SMG5: variants seen among roughly 807,000 people sequenced by gnomAD.
SMG5 encodes nonsense-mediated mRNA decay factor SMG5.
In SMG5, 53 loss-of-function variants were observed where a neutral mutation model predicts 122.9. That is an observed-to-expected ratio of 0.43 (90% CI 0.35 to 0.54). SMG5 has a LOEUF of 0.54. SMG5 is among the 20% of genes least tolerant of loss of function. The probability of loss-of-function intolerance (pLI) is 0.01; values close to 1 mark genes in which losing one functional copy is unlikely to be tolerated. For synonymous variants in SMG5, 477 were observed against 490.2 expected, an observed-to-expected ratio of 0.97 and a Z score of 0.35; for missense variants, 1,153 against 1,285.6, an observed-to-expected ratio of 0.90 and a Z score of 1.58.
intron 3 of SMG5, among the ~76,000 whole-genome samples, chr1:156,277,669 C>T (rs577209009): frequency 2.0e-5 from 3 of 152,038 alleles, no homozygotes; most frequent in South Asian, 2.1e-4. Context: ...TGCACCACCA[C>T]GTCCAGCTAA....
At chr1:156,262,122 G>A (rs915977273) in intron 13 of SMG5, among the ~76,000 whole-genome samples, 2 of 152,120 alleles carry the variant, frequency 1.3e-5, no homozygotes, top group African/African-American at 4.8e-5. Context: ...CACTTTGGGA[G>A]GCTGAGGCAG....
the SMG5 span, among the ~76,000 whole-genome samples, chr1:156,289,878 T>G: frequency 5.3e-5 from 8 of 152,254 alleles, no homozygotes; most frequent in Admixed American, 3.3e-4. Flanking sequence ...ACCCATCCTC[T>G]GGGCTTCAAG....
chr1:156,254,503 CCACAATTCCTGTT>C (rs1467701041), intron 16 of SMG5, among the ~76,000 whole-genome samples: 1 of 152,038 alleles, frequency 6.6e-6, no homozygotes, highest in African/African-American at 2.4e-5. Context: ...GAGTGCAGTG[CCACAATTCCTGTT>C]CACTGCTACC....
chr1:156,254,915 C>G (rs896873648), intron 16 of SMG5, among the ~76,000 whole-genome samples: 1 of 151,014 alleles, frequency 6.6e-6, no homozygotes, highest in Non-Finnish European at 1.5e-5. Flanking sequence ...CATGGCAAAA[C>G]CCCATCTCTA....
intron 13 of SMG5, among the ~76,000 whole-genome samples, chr1:156,262,510 C>A (rs981378883): frequency 6.7e-6 from 1 of 149,562 alleles, no homozygotes; most frequent in African/African-American, 2.5e-5. Flanking sequence ...GAGAAAGCAG[C>A]GAAACCACAA....
In SMG5 at chr1:156,272,306, T is replaced by C. The variant is rs925775992; in HGVS notation, c.713+14A>G. On this transcript the variant is annotated intron_variant, in intron 7 of 21. Coordinates refer to ENST00000361813, the MANE Select transcript of SMG5 (RefSeq NM_015327.3). ...ACAAAAGCAGGGCTGGAAAAAGAGC[T>C]GGCAAATACTCACCAGCGCAGGTAG... is the stretch of plus-strand genomic sequence containing the variant. 1.3e-6 allele frequency: 2 copies of C among 1,582,706 alleles called. No individual in the cohort carries two copies. The highest frequency in any genetic ancestry group is 1.7e-6 in the Non-Finnish European group (2 of 1,161,090).
At chr1:156,281,532 C>T (rs1476110498) in intron 1 of SMG5, among the ~76,000 whole-genome samples, 1 of 152,184 alleles carries the variant, frequency 6.6e-6, no homozygotes, top group East Asian at 1.9e-4. Context: ...AGCCTATACT[C>T]CCCTCTGCCT....
intron 16 of SMG5, among the ~76,000 whole-genome samples, chr1:156,254,423 C>G (rs1466497716): frequency 6.6e-6 from 1 of 152,130 alleles, no homozygotes; most frequent in Non-Finnish European, 1.5e-5. Flanking sequence ...ATATGGGGAG[C>G]CACTGAAGAC....
chr1:156,286,079 C>A, upstream of SMG5: 2 of 1,514,096 alleles, frequency 1.3e-6, no homozygotes, highest in Non-Finnish European at 1.8e-6. Flanking sequence ...CTTCACTTGA[C>A]CTGGGCCCCT....
chr1:156,282,315 T>G (rs1198348358), intron 1 of SMG5, among the ~76,000 whole-genome samples: 1 of 152,018 alleles, frequency 6.6e-6, no homozygotes, highest in African/African-American at 2.4e-5. Context: ...CCTTCCAGCC[T>G]TCAATTCCCA....
upstream of SMG5, chr1:156,285,586 G>A (rs759149567): frequency 1.2e-6 from 2 of 1,614,222 alleles, no homozygotes; most frequent in African/African-American, 1.3e-5. Context: ...ATGCCAACCT[G>A]CTGCCTGAGA....
At chr1:156,252,526 G>C (rs1181998135) in intron 18 of SMG5, 22 bp from the exon 19 acceptor site, 3 of 1,611,734 alleles carry the variant, frequency 1.9e-6, no homozygotes, top group Non-Finnish European at 2.5e-6. Context: ...GGTAGGGAAA[G>C]ACAAAACAGA....
At chr1:156,277,420 C>T (rs904673921) in intron 3 of SMG5, among the ~76,000 whole-genome samples, 179 bp from the exon 4 acceptor site, 22 of 152,074 alleles carry the variant, frequency 1.4e-4, no homozygotes, top group African/African-American at 4.6e-4. Context: ...ACCAGGCTCC[C>T]CTCCTTCTCT....
chr1:156,284,083 A>T (rs565954254), upstream of SMG5, among the ~76,000 whole-genome samples: 1 of 152,278 alleles, frequency 6.6e-6, no homozygotes, highest in East Asian at 1.9e-4. Context: ...GCACAAATCC[A>T]CTTTTCTCCC....
chr1:156,264,518 C>A (rs1414729979), intron 12 of SMG5, among the ~76,000 whole-genome samples: 4 of 152,246 alleles, frequency 2.6e-5, no homozygotes, highest in African/African-American at 9.6e-5. Context: ...GGGAGACAGA[C>A]AAATCAACAG....
At chr1:156,251,573 C>T in intron 19 of SMG5, 96 bp from the exon 20 acceptor site, 1 of 1,250,354 alleles carries the variant, frequency 8.0e-7, no homozygotes, top group Non-Finnish European at 1.2e-6. Flanking sequence ...CCTGGTTTTG[C>T]AGGCGGGGCT....
intron 9 of SMG5, 33 bp from the exon 10 acceptor site, chr1:156,267,711 G>T: frequency 6.4e-7 from 1 of 1,563,252 alleles, no homozygotes; most frequent in Admixed American, 1.8e-5. Flanking sequence ...GGGGAGGTCA[G>T]TGGTGGGGGC....
chr1:156,280,621 A>G (rs1413331861), intron 1 of SMG5, among the ~76,000 whole-genome samples: 1 of 152,228 alleles, frequency 6.6e-6, no homozygotes, highest in Non-Finnish European at 1.5e-5. Flanking sequence ...TGCCATGGAA[A>G]GAGCTAATGG....
chr1:156,273,292 A>G (rs2101556267), intron 6 of SMG5, 69 bp downstream of exon 6: 1 of 1,304,842 alleles, frequency 7.7e-7, no homozygotes, highest in Non-Finnish European at 1.1e-6. Context: ...ACTGCCTGCC[A>G]TCTCAACAAC....
Sources: gnomAD v4.1 joint callset for allele counts (sites outside exome capture counted in the v4.1 genomes callset) on GRCh38, gnomAD v4.1.1 for gene constraint, MANE v1.5 for transcripts, NCBI Gene and HGNC (gene_info 2026-07-23, HGNC 2026-07-21) for gene names.